Variants in DYNC1I2 observed in about 807,000 individuals in gnomAD.
DYNC1I2 encodes the protein cytoplasmic dynein 1 intermediate chain 2.
DYNC1I2 carries 53 observed loss-of-function variants against 88.6 expected under a neutral mutation model. That is an observed-to-expected ratio of 0.60 (90% CI 0.48 to 0.75). DYNC1I2 has a LOEUF of 0.75. Ranked by LOEUF, DYNC1I2 falls within the 30% of genes least tolerant of loss-of-function variation. DYNC1I2 has a pLI of 0.00. For missense variants in DYNC1I2, 458 were observed against 766.6 expected (o/e 0.60, Z 4.75); for synonymous variants, 198 against 254.6 (o/e 0.78, Z 2.12).
chr2:171,712,735 T>C (rs1394432354), intron 5 of DYNC1I2, 32 bp from the exon 6 acceptor site: 2 of 1,575,272 alleles, frequency 1.3e-6, no homozygotes, highest in South Asian at 2.3e-5. Flanking sequence ...CCTTTTTTGC[T>C]AATGCTTCAT....
chr2:171,707,455 T>A, intron 5 of DYNC1I2, 78 bp downstream of exon 5: 1 of 1,278,000 alleles, frequency 7.8e-7, no homozygotes, highest in Non-Finnish European at 1.1e-6. Context: ...TTAAAGGGAC[T>A]CTAAATAGTT....
intron 2 of DYNC1I2, among the ~76,000 whole-genome samples, 169 bp from the exon 3 acceptor site, chr2:171,692,608 C>T (rs547161289): frequency 6.6e-6 from 1 of 152,082 alleles, no homozygotes; most frequent in Non-Finnish European, 1.5e-5. Flanking sequence ...TTTACTAGAA[C>T]TCTATTGAGA....
In DYNC1I2 at chr2:171,712,784, C is replaced by G; in HGVS notation, c.353C>G (p.Thr118Arg). Residue 118 changes from threonine (T) to arginine (R), a missense_variant, in exon 6 of 18, where the codon ACA becomes AGA. By Grantham distance (71) the Thr-to-Arg change is moderately conservative. Around this residue, in one of 5 missense-constraint regions of DYNC1I2, gnomAD observed 203 missense variants for 354.2 expected, o/e 0.57. Coordinates refer to ENST00000397119, the MANE Select transcript of DYNC1I2 (RefSeq NM_001378.3). The stretch of plus-strand genomic sequence containing the variant: ...CCATTTAGGACGCTGCATTGGGATA[C>G]AGATCCATCAGTTCTTCAGCTTCAC... ...AVGSRTLHWD[T>R]DPSVLQLHSD... is the part of the protein sequence containing the mutation. 1 of 1,613,434 alleles carries G rather than the reference C, an allele frequency of 6.2e-7. No individual in the cohort carries two copies. The highest frequency in any genetic ancestry group is 8.5e-7 in the Non-Finnish European group (1 of 1,179,558).
In DYNC1I2 at chr2:171,715,323, T is replaced by C; in HGVS notation, c.396-5T>C. Reference sequence around the variant, plus strand: ...AATTGTGTTGTTTGTATTTACTTAATTTAGACGAGGACCTATTAAACTTGG... The same window carrying C: ...AATTGTGTTGTTTGTATTTACTTAACTTAGACGAGGACCTATTAAACTTGG... On this transcript the variant is annotated splice_polypyrimidine_tract_variant and splice_region_variant and intron_variant, in intron 6 of 17. Transcript: ENST00000397119. 1 of 1,538,824 alleles carries C rather than the reference T, an allele frequency of 6.5e-7. No homozygotes were observed. The highest frequency in any genetic ancestry group is 8.8e-7 in the Non-Finnish European group (1 of 1,134,568).
intron 3 of DYNC1I2, 30 bp from the exon 4 acceptor site, chr2:171,706,517 G>T: frequency 6.3e-7 from 1 of 1,596,280 alleles, no homozygotes; most frequent in Non-Finnish European, 8.6e-7. Flanking sequence ...GAATATTTTG[G>T]GTGTCTGTAT....
chr2:171,720,915 T>C (rs907991364), intron 7 of DYNC1I2, among the ~76,000 whole-genome samples: 4 of 152,000 alleles, frequency 2.6e-5, no homozygotes, highest in African/African-American at 9.7e-5. Flanking sequence ...CAGAAAAATA[T>C]AATATTTGAT....
chr2:171,707,972 G>T (rs190917338), intron 5 of DYNC1I2, among the ~76,000 whole-genome samples: 1 of 152,080 alleles, frequency 6.6e-6, no homozygotes, highest in Non-Finnish European at 1.5e-5. Context: ...CTGCATACAT[G>T]TTGGGACTTG....
intron 3 of DYNC1I2, among the ~76,000 whole-genome samples, chr2:171,699,521 C>A (rs889100549): frequency 1.3e-5 from 2 of 151,070 alleles, no homozygotes; most frequent in Non-Finnish European, 2.9e-5. Flanking sequence ...ATTAGATTTC[C>A]ATTTTAAAAC....
intron 3 of DYNC1I2, among the ~76,000 whole-genome samples, chr2:171,700,788 C>T (rs938046038): frequency 6.6e-6 from 1 of 152,066 alleles, no homozygotes; most frequent in Non-Finnish European, 1.5e-5. Context: ...CCCGCCACCA[C>T]GCCCGGCTAA....
chr2:171,709,102 C>T (rs1686909631), intron 5 of DYNC1I2, among the ~76,000 whole-genome samples: 1 of 151,950 alleles, frequency 6.6e-6, no homozygotes, highest in African/African-American at 2.4e-5. Flanking sequence ...TTAAAAATTA[C>T]TATATTTATT....
intron 15 of DYNC1I2, 30 bp from the exon 16 acceptor site, chr2:171,744,019 C>A: frequency 6.3e-7 from 1 of 1,588,776 alleles, no homozygotes; most frequent in Non-Finnish European, 8.6e-7. Flanking sequence ...CATATATGGA[C>A]TGTGCTAAGA....
intron 4 of DYNC1I2, chr2:171,706,831 A>G (rs888073682): frequency 2.3e-6 from 1 of 431,200 alleles, no homozygotes; most frequent in East Asian, 3.8e-5. Flanking sequence ...ATATTTTAAA[A>G]TAAATCTTGA....
chr2:171,733,544 T>G (rs1226128551), intron 15 of DYNC1I2, among the ~76,000 whole-genome samples: 1 of 150,160 alleles, frequency 6.7e-6, no homozygotes, highest in African/African-American at 2.4e-5. Flanking sequence ...ATTGTGGTTT[T>G]GATTTGCATT....
chr2:171,708,770 G>A (rs1267256970), intron 5 of DYNC1I2, among the ~76,000 whole-genome samples: 1 of 151,996 alleles, frequency 6.6e-6, no homozygotes, highest in Non-Finnish European at 1.5e-5. Context: ...TTGGCTCACT[G>A]CAACCTCTGC....
chr2:171,708,065 T>TCACA (rs1331169485), intron 5 of DYNC1I2, among the ~76,000 whole-genome samples: 5 of 148,718 alleles, frequency 3.4e-5, no homozygotes, highest in Admixed American at 2.0e-4. Flanking sequence ...TCTTTGTCTC[T>TCACA]CTCACACACA....
rs941079375 is a variant in DYNC1I2, at chr2:171,749,085, C to A, written c.*1196C>A. Among the ~76,000 whole-genome samples the A allele has an allele frequency of 3.3e-5, 5 of 152,092 alleles. No individual in the cohort carries two copies. Among genetic ancestry groups the A allele is most frequent in the African/African-American group, 1.2e-4 (5 of 41,416 alleles). The stretch of plus-strand genomic sequence containing the variant: ...GAGAGATTAGAAAACAGAATGTGAA[C>A]ATTTTTCTTTTAATAATTGTAACAA... On this transcript the variant is annotated 3_prime_UTR_variant, in exon 18 of 18. Transcript: ENST00000397119.
At chr2:171,725,830 T>G in intron 8 of DYNC1I2, 89 bp from the exon 9 acceptor site, 2 of 1,325,204 alleles carry the variant, frequency 1.5e-6, no homozygotes, top group South Asian at 2.8e-5. Flanking sequence ...GATTGAAAAA[T>G]AATAACATAC....
intron 17 of DYNC1I2, among the ~76,000 whole-genome samples, chr2:171,747,207 T>TTATATATATATA (rs67834157): frequency 0.048 from 5,965 of 124,346 alleles, 230 homozygotes; most frequent in South Asian, 0.076. Flanking sequence ...AAAAAAAAAA[T>TTATATATATATA]TATATATATA....
At chr2:171,694,763 A>C (rs1461542741) in intron 3 of DYNC1I2, among the ~76,000 whole-genome samples, 4 of 152,220 alleles carry the variant, frequency 2.6e-5, no homozygotes, top group African/African-American at 9.6e-5. Flanking sequence ...TAATCATGGC[A>C]GAAGGCAAAG....
Sources: allele counts gnomAD v4.1 joint callset (sites outside exome capture counted in the v4.1 genomes callset), GRCh38; gene constraint gnomAD v4.1.1; regional missense constraint gnomAD v4.1.1; transcripts MANE v1.5; gene names NCBI Gene and HGNC (gene_info 2026-07-23, HGNC 2026-07-21).